The following TCF3 variants were observed in gnomAD, a reference collection of about 807,000 sequenced individuals.
TCF3 encodes the protein transcription factor 3.
In TCF3, 54 loss-of-function variants were observed where a neutral mutation model predicts 72.3. The ratio of observed to expected loss-of-function variants is 0.75; its 90% CI spans 0.60 to 0.94. The LOEUF is 0.94. Ranked by LOEUF, TCF3 falls within the 40% of genes least tolerant of loss-of-function variation. The pLI is 0.00. For missense variants in TCF3, 1,078 were observed against 934.4 expected, an observed-to-expected ratio of 1.15 and a Z score of -2.00; for synonymous variants, 525 against 412.6, an observed-to-expected ratio of 1.27 and a Z score of -3.30.
Position 1,612,443 on chromosome 19 carries a change from A to G in TCF3, c.1823-594T>C. ...CACCTCGTCCGTACTGCTGGGTCAC[A>G]GCACCGAGGCCTCTGTTAGTGATGC... On this transcript the variant is annotated intron_variant, in intron 18 of 18. Transcript: ENST00000262965. 1 of 1,560,810 alleles carries G rather than the reference A, an allele frequency of 6.4e-7. No individual in the cohort carries two copies. Among genetic ancestry groups the G allele is most frequent in the Non-Finnish European group, 8.7e-7 (1 of 1,147,166 alleles).
At chr19:1,626,549 T>C (rs111404464) in intron 6 of TCF3, among the ~76,000 whole-genome samples, 2 of 152,034 alleles carry the variant, frequency 1.3e-5, no homozygotes, top group African/African-American at 4.8e-5. Context: ...CGGCCTGTCC[T>C]GAGCCCGCAC....
intron 1 of TCF3, chr19:1,651,447 G>C (rs752384529): frequency 4.4e-6 from 1 of 226,048 alleles, no homozygotes; most frequent in Non-Finnish European, 8.8e-6. Context: ...GTGTGAAACT[G>C]ACTTTTTTTG....
chr19:1,649,202 C>T (rs757714884), intron 2 of TCF3, among the ~76,000 whole-genome samples: 1 of 152,262 alleles, frequency 6.6e-6, no homozygotes, highest in Admixed American at 6.5e-5. Context: ...GCTGTCTGCT[C>T]GGTGGCCCAT....
chr19:1,651,449 CTTTT>C (rs1157443751), intron 1 of TCF3: 2 of 225,924 alleles, frequency 8.9e-6, no homozygotes, highest in Non-Finnish European at 1.8e-5. Context: ...GTGAAACTGA[CTTTT>C]TTTGAGGACT....
intron 3 of TCF3, among the ~76,000 whole-genome samples, chr19:1,635,257 C>A (rs1415573455): frequency 6.6e-6 from 1 of 152,210 alleles, no homozygotes; most frequent in Non-Finnish European, 1.5e-5. Flanking sequence ...CTCACCTTCC[C>A]TCCTCCCAAA....
At chr19:1,621,094 G>A (rs1294313489) in intron 12 of TCF3, 39 bp downstream of exon 12, 1 of 1,523,906 alleles carries the variant, frequency 6.6e-7, no homozygotes, top group African/African-American at 1.4e-5. Context: ...CGGCCTCTCA[G>A]GTCACTTGCC....
intron 3 of TCF3, among the ~76,000 whole-genome samples, chr19:1,639,944 C>T (rs115419813): frequency 0.011 from 1,597 of 151,772 alleles, 24 homozygotes; most frequent in African/African-American, 0.034. Flanking sequence ...GAAGAAATGC[C>T]GATAAAGAGG....
chr19:1,646,483 G>A (rs1434978056), intron 2 of TCF3, 56 bp from the exon 3 acceptor site: 23 of 1,501,894 alleles, frequency 1.5e-5, no homozygotes, highest in Admixed American at 5.9e-5. Context: ...AAACCCTACA[G>A]TCCCGGGTTC....
rs1568334096 is a variant in TCF3, at chr19:1,615,720, TCTC to T, written c.1549_1551del (p.Glu517del). Reference sequence around the variant, plus strand: ...GCCCGGGGGGCCTTCAGCTCCTTCTTCTCCTCCTCCGAGTGGTCAGCCGCTGAC... The same window carrying T: ...GCCCGGGGGGCCTTCAGCTCCTTCTTCTCCTCCGAGTGGTCAGCCGCTGAC... On this transcript the variant is annotated inframe_deletion, in exon 17 of 19. Coordinates refer to ENST00000262965, the MANE Select transcript of TCF3 (RefSeq NM_003200.5). This position sits in a 1 kb window ranked among gnomAD's most constrained non-coding sequence, Gnocchi z 7.3. 1.9e-6 allele frequency: 3 copies of T among 1,613,046 alleles called. No individual in the cohort carries two copies. Among genetic ancestry groups the T allele is most frequent in the African/African-American group, 1.3e-5 (1 of 74,814 alleles).
At chr19:1,619,056 C>G in intron 16 of TCF3, 55 bp downstream of exon 16, 1 of 1,597,722 alleles carries the variant, frequency 6.3e-7, no homozygotes, top group Non-Finnish European at 8.5e-7. Context: ...ACTAGAGTGC[C>G]TCAGTTTCCC....
intron 2 of TCF3, among the ~76,000 whole-genome samples, chr19:1,648,864 G>A (rs947343518): frequency 1.3e-5 from 2 of 150,226 alleles, no homozygotes; most frequent in African/African-American, 2.5e-5. Context: ...AGACAGGCCA[G>A]AAGAAACAAA....
intron 3 of TCF3, among the ~76,000 whole-genome samples, chr19:1,639,372 T>C (rs1318526065): frequency 6.6e-6 from 1 of 152,092 alleles, no homozygotes; most frequent in African/African-American, 2.4e-5. Context: ...TTGTTGACAA[T>C]GGCTCGACCC....
intron 3 of TCF3, among the ~76,000 whole-genome samples, chr19:1,643,962 G>T (rs997251943): frequency 6.6e-6 from 1 of 152,202 alleles, no homozygotes; most frequent in African/African-American, 2.4e-5. Context: ...CTGGCGAAGG[G>T]TGGCGTCCCC....
At chr19:1,636,152 AT>A (rs745921149) in intron 3 of TCF3, among the ~76,000 whole-genome samples, 10 of 151,984 alleles carry the variant, frequency 6.6e-5, no homozygotes, top group Non-Finnish European at 1.2e-4. Context: ...GTGGAGCAGT[AT>A]TTTAAAAAAT....
chr19:1,634,383 C>T (rs926555441), intron 3 of TCF3, among the ~76,000 whole-genome samples: 1 of 152,350 alleles, frequency 6.6e-6, no homozygotes, highest in African/African-American at 2.4e-5. Flanking sequence ...CCGGGAAGGG[C>T]ACCTTCCTGC....
At chr19:1,627,543 C>T in intron 5 of TCF3, 117 bp from the exon 6 acceptor site, 1 of 904,758 alleles carries the variant, frequency 1.1e-6, no homozygotes, top group Middle Eastern at 2.9e-4. Context: ...ACTGAGAGCG[C>T]CACGGCAGGA....
intron 2 of TCF3, among the ~76,000 whole-genome samples, chr19:1,647,198 C>T (rs533445508): frequency 5.3e-5 from 8 of 152,176 alleles, no homozygotes; most frequent in African/African-American, 1.9e-4. Flanking sequence ...ACACTAAGTC[C>T]CTAAAGATTA....
chr19:1,648,303 C>T (rs993804808), intron 2 of TCF3, among the ~76,000 whole-genome samples: 3 of 152,222 alleles, frequency 2.0e-5, no homozygotes, highest in East Asian at 3.9e-4. Context: ...GCTGCCTCTG[C>T]CTCCCCGTCC....
At chr19:1,632,551 TGAG>T in intron 3 of TCF3, 146 bp from the exon 4 acceptor site, 1 of 733,346 alleles carries the variant, frequency 1.4e-6, no homozygotes, top group East Asian at 2.7e-5. Context: ...GCCCGACTCA[TGAG>T]GACACCAGTC....
Sources: allele counts gnomAD v4.1 joint callset (sites outside exome capture counted in the v4.1 genomes callset), GRCh38; gene constraint gnomAD v4.1.1; non-coding constraint Gnocchi (gnomAD v3.1); transcripts MANE v1.5; gene names NCBI Gene and HGNC (gene_info 2026-07-23, HGNC 2026-07-21).